GRIA2: variants seen among roughly 807,000 people sequenced by gnomAD.
GRIA2 encodes glutamate ionotropic receptor AMPA type subunit 2, also known as glutamate receptor 2.
Under a neutral mutation model 97.3 loss-of-function variants are expected in GRIA2, and 14 were observed. The ratio of observed to expected loss-of-function variants is 0.14; its 90% CI spans 0.10 to 0.23. GRIA2 has a LOEUF of 0.23. Ranked by LOEUF, GRIA2 falls within the 10% of genes least tolerant of loss-of-function variation. The pLI, the probability that GRIA2 is intolerant of heterozygous loss-of-function variation, is 1.00. For synonymous variants in GRIA2, 412 were observed against 387.8 expected (o/e 1.06, Z -0.73); for missense variants, 558 against 1,069.8 (o/e 0.52, Z 6.67).
chr4:157,335,509 A>G (rs1735242491), intron 9 of GRIA2, 162 bp from the exon 10 acceptor site: 1 of 598,732 alleles, frequency 1.7e-6, no homozygotes, highest in Admixed American at 2.9e-5. Context: ...TCTGGGGGGA[A>G]GCATTATGCT....
At chr4:157,261,829 C>T (rs908177002) in intron 2 of GRIA2, among the ~76,000 whole-genome samples, 1 of 151,928 alleles carries the variant, frequency 6.6e-6, no homozygotes, top group Non-Finnish European at 1.5e-5. Flanking sequence ...GTCTCTTTTG[C>T]CCTCCTATAC....
chr4:157,234,017 T>C (rs1045123059), intron 2 of GRIA2, among the ~76,000 whole-genome samples: 1 of 152,176 alleles, frequency 6.6e-6, no homozygotes, highest in Non-Finnish European at 1.5e-5. Flanking sequence ...ACATAGCTAG[T>C]ATATTTGAAT....
intron 12 of GRIA2, 70 bp from the exon 13 acceptor site, chr4:157,359,826 T>A: frequency 2.2e-6 from 3 of 1,391,944 alleles, no homozygotes; most frequent in Non-Finnish European, 3.0e-6. Flanking sequence ...GTAATACCTC[T>A]TTTTGTGTTT....
At chr4:157,279,661 G>T (rs1406082043) in intron 2 of GRIA2, among the ~76,000 whole-genome samples, 1 of 152,052 alleles carries the variant, frequency 6.6e-6, no homozygotes, top group Non-Finnish European at 1.5e-5. Context: ...TACCCAGGTA[G>T]TTAAGGCTAG....
chr4:157,303,318 G>A (rs900596019), intron 2 of GRIA2, among the ~76,000 whole-genome samples: 3 of 152,044 alleles, frequency 2.0e-5, no homozygotes, highest in African/African-American at 4.8e-5. Flanking sequence ...AAACAATGAT[G>A]TTTGCATTTT....
chr4:157,342,476 T>C (rs1159141759), intron 12 of GRIA2: 1 of 983,134 alleles, frequency 1.0e-6, no homozygotes, highest in Non-Finnish European at 1.2e-6. Flanking sequence ...ATTAATTAGG[T>C]ACCTCAATAT....
intron 12 of GRIA2, among the ~76,000 whole-genome samples, chr4:157,356,467 G>A (rs1490802673): frequency 6.6e-6 from 1 of 151,908 alleles, no homozygotes; most frequent in Non-Finnish European, 1.5e-5. Context: ...GCTTGCCTGT[G>A]TTCCCTCTTC....
chr4:157,318,331 A>G (rs2126898455), intron 5 of GRIA2, among the ~76,000 whole-genome samples: 1 of 152,274 alleles, frequency 6.6e-6, no homozygotes. Flanking sequence ...ATGTCTTAGT[A>G]TGAAATTAAA....
rs1736752816 is a variant in GRIA2, at chr4:157,363,842, CTT to C, written c.*413_*414del. The C allele has an allele frequency of 3.3e-6, 1 of 304,582 alleles. No homozygotes were observed. The highest frequency in any genetic ancestry group is 5.0e-5 in the Admixed American group (1 of 19,860). 18.9% of individuals were successfully genotyped at this position (304,582 alleles called of 1,614,324 possible). On this transcript the variant is annotated 3_prime_UTR_variant, in exon 16 of 16. Transcript: ENST00000264426. Reference sequence around the variant, plus strand: ...GGAAGTACTATAATTTACCTGAAGTCTTTGTACAGACAACAAACCTGTTTCTG... The same window carrying C: ...GGAAGTACTATAATTTACCTGAAGTCTGTACAGACAACAAACCTGTTTCTG...
At chr4:157,354,432 T>C (rs1366604941) in intron 12 of GRIA2, among the ~76,000 whole-genome samples, 1 of 152,188 alleles carries the variant, frequency 6.6e-6, no homozygotes, top group Non-Finnish European at 1.5e-5. Flanking sequence ...TCTTTAAGGA[T>C]ATTAATATGA....
At chr4:157,356,149 T>TTATATATATTTATA (rs1328510532) in intron 12 of GRIA2, among the ~76,000 whole-genome samples, 2 of 130,302 alleles carry the variant, frequency 1.5e-5, no homozygotes, top group East Asian at 4.3e-4. Context: ...ATATTTATAT[T>TTATATATATTTATA]TATTTATTTA....
intron 2 of GRIA2, among the ~76,000 whole-genome samples, chr4:157,241,112 G>T (rs138917678): frequency 1.5e-3 from 229 of 152,142 alleles, no homozygotes; most frequent in African/African-American, 5.3e-3. Context: ...TTCTAAGAAC[G>T]GGTATTTTGG....
chr4:157,322,928 C>A (rs1158292653), intron 6 of GRIA2, among the ~76,000 whole-genome samples: 1 of 152,042 alleles, frequency 6.6e-6, no homozygotes, highest in African/African-American at 2.4e-5. Context: ...ATAAATGGAT[C>A]TTTTAATTTT....
chr4:157,352,518 G>A lies in GRIA2; in HGVS notation c.2044-7378G>A, dbSNP rs115805358. Among the ~76,000 whole-genome samples the A allele has an allele frequency of 6.9e-3, 1,041 of 151,640 alleles. 9 individuals carry two copies. The highest frequency in any genetic ancestry group is 0.015 in the South Asian group (72 of 4,804). On this transcript the variant is annotated intron_variant, in intron 12 of 15. Transcript: ENST00000264426. ...GGATCACGAGGTCAGGAGTTCAACA[G>A]CAGCCTGGCCAACATGATGAAACCC...
intron 6 of GRIA2, among the ~76,000 whole-genome samples, chr4:157,323,532 G>A (rs1734678690): frequency 6.6e-6 from 1 of 151,852 alleles, no homozygotes; most frequent in Non-Finnish European, 1.5e-5. Flanking sequence ...CGTCCATTCA[G>A]AGATGGTGCC....
At chr4:157,305,609 T>G (rs1330626194) in intron 3 of GRIA2, among the ~76,000 whole-genome samples, 1 of 152,126 alleles carries the variant, frequency 6.6e-6, no homozygotes. Context: ...TGACCTTCTT[T>G]CACTTTCTCA....
intron 2 of GRIA2, among the ~76,000 whole-genome samples, chr4:157,285,904 G>A (rs887023322): frequency 6.6e-6 from 1 of 151,422 alleles, no homozygotes; most frequent in African/African-American, 2.4e-5. Context: ...TATTTGAGGA[G>A]AGTAAAGAGT....
intron 2 of GRIA2, among the ~76,000 whole-genome samples, chr4:157,277,894 A>ATATGTATATATG (rs1425978759): frequency 1.4e-5 from 2 of 144,746 alleles, no homozygotes; most frequent in Non-Finnish European, 1.5e-5. Flanking sequence ...ATATATGTAT[A>ATATGTATATATG]TATATATGTA....
intron 2 of GRIA2, among the ~76,000 whole-genome samples, chr4:157,289,115 T>G (rs1439614144): frequency 1.3e-5 from 2 of 151,826 alleles, no homozygotes; most frequent in East Asian, 3.9e-4. Context: ...AAGATTTGAT[T>G]TGCAATCAAA....
Sources: gnomAD v4.1 joint callset for allele counts (sites outside exome capture counted in the v4.1 genomes callset) on GRCh38, gnomAD v4.1.1 for gene constraint, MANE v1.5 for transcripts, NCBI Gene and HGNC (gene_info 2026-07-23, HGNC 2026-07-21) for gene names.